SGCZ: variants seen among roughly 807,000 people sequenced by gnomAD.
SGCZ encodes sarcoglycan zeta, also known as zeta-sarcoglycan.
SGCZ carries 40 observed loss-of-function variants against 41.3 expected under a neutral mutation model. The ratio of observed to expected loss-of-function variants is 0.97; its 90% CI spans 0.75 to 1.26. The LOEUF (loss-of-function observed/expected upper bound fraction) is 1.26, where lower values mean the gene tolerates loss of function less well. SGCZ is among the 50% of genes most tolerant of loss of function. The pLI, the probability that SGCZ is intolerant of heterozygous loss-of-function variation, is 0.00. For missense variants in SGCZ, 552 were observed against 369.8 expected (o/e 1.49, Z -4.04); for synonymous variants, 206 against 137.5 (o/e 1.50, Z -3.49).
rs188163772 is a variant in SGCZ at position 14,440,792 on chromosome 8, C to T, written c.234+113940G>A. Among the ~76,000 whole-genome samples the T allele has an allele frequency of 6.7e-3, 810 of 121,554 alleles. 13 individuals are homozygous for T. The highest frequency in any genetic ancestry group is 0.03 in the Middle Eastern group (6 of 202). The allele number at this position is 121,554 out of a possible 152,430, so 79.7% of individuals were successfully genotyped here. ...ATATATGTATATACATACGTATACA[C>T]GTATATGTATATATGTGTATACACA... is the stretch of plus-strand genomic sequence containing the variant. On this transcript the variant is annotated intron_variant, in intron 2 of 7. Transcript: ENST00000382080.
intron 1 of SGCZ, among the ~76,000 whole-genome samples, chr8:14,565,007 C>T (rs893573568): frequency 6.6e-6 from 1 of 151,650 alleles, no homozygotes. Context: ...GGTTTTGCAG[C>T]ACGGAAAAGA....
intron 1 of SGCZ, among the ~76,000 whole-genome samples, chr8:14,611,635 C>G (rs969125350): frequency 2.0e-5 from 3 of 152,048 alleles, no homozygotes; most frequent in African/African-American, 7.2e-5. Context: ...ACATTATTTT[C>G]TTGACAGAAG....
chr8:14,466,280 TTAAATA>T (rs1454666512), intron 2 of SGCZ, among the ~76,000 whole-genome samples: 2 of 151,986 alleles, frequency 1.3e-5, no homozygotes, highest in African/African-American at 4.8e-5. Flanking sequence ...GTTTGCTACT[TTAAATA>T]TATCTGCTCA....
chr8:14,258,840 T>C (rs970172848), intron 3 of SGCZ, among the ~76,000 whole-genome samples: 5 of 152,204 alleles, frequency 3.3e-5, no homozygotes, highest in Non-Finnish European at 5.9e-5. Context: ...GGTCAGTTTG[T>C]AGAAACTATT....
chr8:14,473,495 A>T (rs1801268936), intron 2 of SGCZ, among the ~76,000 whole-genome samples: 1 of 152,194 alleles, frequency 6.6e-6, no homozygotes, highest in African/African-American at 2.4e-5. Context: ...AATTCAATAC[A>T]TCAACAAATG....
At chr8:14,641,253 G>C (rs1335539306) in intron 1 of SGCZ, among the ~76,000 whole-genome samples, 1 of 151,538 alleles carries the variant, frequency 6.6e-6, no homozygotes, top group Non-Finnish European at 1.5e-5. Flanking sequence ...ATCAGCAAAA[G>C]CAACAAAACA....
intron 3 of SGCZ, among the ~76,000 whole-genome samples, chr8:14,241,967 C>T (rs552530631): frequency 2.0e-5 from 3 of 152,166 alleles, no homozygotes; most frequent in East Asian, 1.9e-4. Flanking sequence ...CAAATATTTA[C>T]TCAGTGCTTG....
chr8:14,457,451 T>C (rs1047940543), intron 2 of SGCZ, among the ~76,000 whole-genome samples: 6 of 152,120 alleles, frequency 3.9e-5, no homozygotes, highest in Admixed American at 2.0e-4. Context: ...TCCCTTTCCC[T>C]GGGGGAGTTT....
At chr8:14,687,584 C>T (rs1209401135) in intron 1 of SGCZ, among the ~76,000 whole-genome samples, 7 of 151,794 alleles carry the variant, frequency 4.6e-5, no homozygotes, top group Admixed American at 3.3e-4. Flanking sequence ...TTTCTTAATC[C>T]AGTCTATCAT....
intron 4 of SGCZ, among the ~76,000 whole-genome samples, chr8:14,212,791 T>C (rs1585237488): frequency 6.6e-6 from 1 of 152,048 alleles, no homozygotes; most frequent in African/African-American, 2.4e-5. Context: ...AAAGCAATAA[T>C]GAAACTGTTT....
intron 4 of SGCZ, among the ~76,000 whole-genome samples, chr8:14,180,561 A>C (rs1168059847): frequency 6.6e-6 from 1 of 152,174 alleles, no homozygotes; most frequent in East Asian, 1.9e-4. Context: ...TGAAGAAAAA[A>C]AAAATGACCT....
At chr8:14,346,974 T>C (rs764122263) in intron 2 of SGCZ, among the ~76,000 whole-genome samples, 42 of 152,246 alleles carry the variant, frequency 2.8e-4, no homozygotes, top group Non-Finnish European at 4.9e-4. Context: ...ATTACATTTA[T>C]TTCCTTAATT....
intron 1 of SGCZ, among the ~76,000 whole-genome samples, chr8:15,211,295 T>C (rs1482674500): frequency 6.9e-6 from 1 of 145,036 alleles, no homozygotes; most frequent in Non-Finnish European, 1.5e-5. Context: ...AAAAAAAAAG[T>C]CCTTTACTTT....
intron 2 of SGCZ, among the ~76,000 whole-genome samples, chr8:14,510,916 G>A (rs965633564): frequency 3.9e-5 from 6 of 152,102 alleles, no homozygotes; most frequent in African/African-American, 1.4e-4. Flanking sequence ...GAAGATAGTG[G>A]CCTTCTCCCA....
chr8:15,008,932 A>G (rs1193418858), intron 1 of SGCZ, among the ~76,000 whole-genome samples: 1 of 152,154 alleles, frequency 6.6e-6, no homozygotes, highest in Non-Finnish European at 1.5e-5. Flanking sequence ...GAGTTGGTTA[A>G]TAACATACAC....
chr8:14,760,519 A>C (rs923188691), intron 1 of SGCZ, among the ~76,000 whole-genome samples: 4 of 152,208 alleles, frequency 2.6e-5, no homozygotes, highest in Non-Finnish European at 5.9e-5. Flanking sequence ...TTAACAAAAA[A>C]TGTATGCATG....
intron 1 of SGCZ, among the ~76,000 whole-genome samples, chr8:14,555,238 C>T (rs916729515): frequency 2.6e-5 from 4 of 151,996 alleles, no homozygotes; most frequent in African/African-American, 9.7e-5. Context: ...TTACCGGTAA[C>T]TAAAGAACTC....
At chr8:14,470,339 G>T (rs891212952) in intron 2 of SGCZ, among the ~76,000 whole-genome samples, 3 of 152,074 alleles carry the variant, frequency 2.0e-5, no homozygotes, top group East Asian at 1.9e-4. Context: ...TGGTCAATTT[G>T]TTGGCACATA....
At chr8:14,880,269 G>A (rs1010795588) in intron 1 of SGCZ, among the ~76,000 whole-genome samples, 1 of 152,190 alleles carries the variant, frequency 6.6e-6, no homozygotes, top group African/African-American at 2.4e-5. Flanking sequence ...TCTCACACCA[G>A]TTAGAATGGT....
Sources: allele counts gnomAD v4.1 joint callset (sites outside exome capture counted in the v4.1 genomes callset), GRCh38; gene constraint gnomAD v4.1.1; transcripts MANE v1.5; gene names NCBI Gene and HGNC (gene_info 2026-07-23, HGNC 2026-07-21).